The following ADAMTS19 variants were observed in gnomAD, a reference collection of about 807,000 sequenced individuals.
The protein encoded by ADAMTS19 is A disintegrin and metalloproteinase with thrombospondin motifs 19.
A neutral mutation model predicts 153.3 loss-of-function variants in ADAMTS19; 93 were observed. That is an observed-to-expected ratio of 0.61 (90% CI 0.51 to 0.72). The LOEUF is 0.72. Ranked by LOEUF, ADAMTS19 falls within the 30% of genes least tolerant of loss-of-function variation. The pLI, the probability that ADAMTS19 is intolerant of heterozygous loss-of-function variation, is 0.00. For missense variants in ADAMTS19, 1,482 were observed against 1,552.1 expected (o/e 0.95, Z 0.76); for synonymous variants, 600 against 556.6 (o/e 1.08, Z -1.10).
chr5:129,719,266 T>C (rs1483530412), intron 21 of ADAMTS19, among the ~76,000 whole-genome samples: 1 of 152,204 alleles, frequency 6.6e-6, no homozygotes, highest in Non-Finnish European at 1.5e-5. Flanking sequence ...TTCTTTAGGA[T>C]GTGTTTAACA....
intron 14 of ADAMTS19, 114 bp downstream of exon 14, chr5:129,654,547 A>G (rs2127056287): frequency 8.2e-7 from 1 of 1,212,750 alleles, no homozygotes; most frequent in Non-Finnish European, 1.2e-6. Flanking sequence ...AGATGTTGCT[A>G]TAGTCCTGCC....
Position 129,528,503 on chromosome 5 carries a change from G to A in ADAMTS19, c.1171-17G>A, listed in dbSNP as rs935896526. On this transcript the variant is annotated splice_polypyrimidine_tract_variant and intron_variant, in intron 5 of 22. Coordinates refer to ENST00000274487, the MANE Select transcript of ADAMTS19 (RefSeq NM_133638.6). The stretch of plus-strand genomic sequence containing the variant: ...CTAAGAATAATATGCCTTGTGATGA[G>A]CTCTGTTCTTTTGCAGCCAGAACTA... 6.4e-7 allele frequency: 1 copy of A among 1,556,928 alleles called. No homozygotes were observed.
intron 21 of ADAMTS19, among the ~76,000 whole-genome samples, chr5:129,721,662 G>A (rs555765574): frequency 4.0e-5 from 6 of 151,800 alleles, no homozygotes; most frequent in African/African-American, 1.2e-4. Flanking sequence ...ATAGGTAAAC[G>A]TGTGCCATGG....
intron 8 of ADAMTS19, among the ~76,000 whole-genome samples, chr5:129,599,513 A>AT (rs1750542247): frequency 6.6e-6 from 1 of 152,166 alleles, no homozygotes; most frequent in Non-Finnish European, 1.5e-5. Flanking sequence ...TAAAAAGTAT[A>AT]TTTTTAAACC....
At chr5:129,499,518 T>C (rs1406138590) in intron 2 of ADAMTS19, among the ~76,000 whole-genome samples, 1 of 152,114 alleles carries the variant, frequency 6.6e-6, no homozygotes, top group Non-Finnish European at 1.5e-5. Flanking sequence ...CTATCTCTAT[T>C]AAATGTCAAA....
chr5:129,709,067 T>C (rs1253346024), intron 21 of ADAMTS19, among the ~76,000 whole-genome samples: 1 of 152,160 alleles, frequency 6.6e-6, no homozygotes, highest in Non-Finnish European at 1.5e-5. Flanking sequence ...ATCACAATTA[T>C]ATTCAGCATG....
intron 7 of ADAMTS19, among the ~76,000 whole-genome samples, chr5:129,561,373 CA>C (rs1194871966): frequency 1.3e-5 from 2 of 151,880 alleles, no homozygotes; most frequent in Non-Finnish European, 2.9e-5. Flanking sequence ...ACTAAAAATA[CA>C]AAAAATTAGC....
At chr5:129,704,215 A>G (rs374413411) in intron 20 of ADAMTS19, 24 bp from the exon 21 acceptor site, 3 of 1,604,756 alleles carry the variant, frequency 1.9e-6, no homozygotes, top group East Asian at 2.2e-5. Flanking sequence ...AACTTTATCT[A>G]AAACCTCTGA....
chr5:129,697,243 G>C (rs946438625), intron 19 of ADAMTS19, among the ~76,000 whole-genome samples: 6 of 152,136 alleles, frequency 3.9e-5, no homozygotes, highest in Admixed American at 6.6e-5. Flanking sequence ...AAAGGAAGGA[G>C]AGTAATAATG....
intron 21 of ADAMTS19, among the ~76,000 whole-genome samples, chr5:129,707,121 A>G (rs1756198668): frequency 6.6e-6 from 1 of 152,296 alleles, no homozygotes; most frequent in East Asian, 1.9e-4. Flanking sequence ...CAAGAATACA[A>G]TATTTCCTGG....
intron 2 of ADAMTS19, among the ~76,000 whole-genome samples, chr5:129,478,895 C>T (rs10042869): frequency 0.17 from 26,462 of 151,990 alleles, 3,478 homozygotes; most frequent in African/African-American, 0.36. Context: ...TGAATGGAGG[C>T]GCTGTAGTTT....
intron 21 of ADAMTS19, among the ~76,000 whole-genome samples, chr5:129,731,108 A>G (rs68061162): frequency 0.054 from 8,152 of 151,990 alleles, 336 homozygotes; most frequent in African/African-American, 0.11. Context: ...ACAGGCCTGC[A>G]CCACCACACC....
intron 3 of ADAMTS19, among the ~76,000 whole-genome samples, chr5:129,519,489 A>T (rs1751720122): frequency 6.6e-6 from 1 of 152,000 alleles, no homozygotes; most frequent in Non-Finnish European, 1.5e-5. Flanking sequence ...CTGGTGTCTC[A>T]GTATATTGTG....
At chr5:129,532,786 G>A (rs1405710505) in intron 6 of ADAMTS19, among the ~76,000 whole-genome samples, 2 of 152,060 alleles carry the variant, frequency 1.3e-5, no homozygotes, top group African/African-American at 4.8e-5. Flanking sequence ...GCAACCACAT[G>A]GATGGATGAA....
At chr5:129,524,376 C>T (rs1336319006) in intron 3 of ADAMTS19, among the ~76,000 whole-genome samples, 1 of 152,080 alleles carries the variant, frequency 6.6e-6, no homozygotes, top group African/African-American at 2.4e-5. Flanking sequence ...TAGGCAGCAC[C>T]ATTCAGGACA....
At chr5:129,613,319 A>T (rs1023087102) in intron 8 of ADAMTS19, among the ~76,000 whole-genome samples, 2 of 152,312 alleles carry the variant, frequency 1.3e-5, no homozygotes, top group East Asian at 1.9e-4. Flanking sequence ...AAAGAACAGA[A>T]ATTATAACAA....
Position 129,633,341 on chromosome 5 carries a change from G to A in ADAMTS19, c.1771-8518G>A, listed in dbSNP as rs551815541. Among the ~76,000 whole-genome samples the A allele has an allele frequency of 4.6e-5, 7 of 152,178 alleles. No individual in the cohort carries two copies. The East Asian group carries it at 9.7e-4, about 21-fold the overall frequency. On this transcript the variant is annotated intron_variant, in intron 10 of 22. Coordinates refer to ENST00000274487, the MANE Select transcript of ADAMTS19 (RefSeq NM_133638.6). ...AAATTTTATGAAAATCATAACACAT[G>A]TGTCATCTCAGGTTTGAATTGTTTA...
intron 7 of ADAMTS19, among the ~76,000 whole-genome samples, chr5:129,557,471 G>C (rs1181208734): frequency 6.6e-6 from 1 of 151,728 alleles, no homozygotes; most frequent in Non-Finnish European, 1.5e-5. Context: ...ATGGTGACAC[G>C]CACCTGTAAT....
At chr5:129,627,804 A>C (rs1376892198) in intron 10 of ADAMTS19, among the ~76,000 whole-genome samples, 6 of 152,050 alleles carry the variant, frequency 3.9e-5, no homozygotes, top group Non-Finnish European at 2.9e-5. Context: ...GATGCTGGTG[A>C]GGTTGCAGAG....
Sources: allele counts gnomAD v4.1 joint callset (sites outside exome capture counted in the v4.1 genomes callset), GRCh38; gene constraint gnomAD v4.1.1; transcripts MANE v1.5; gene names NCBI Gene and HGNC (gene_info 2026-07-23, HGNC 2026-07-21).